VPS13A: variants seen among roughly 807,000 people sequenced by gnomAD.
VPS13A encodes the protein intermembrane lipid transfer protein VPS13A.
VPS13A carries 264 observed loss-of-function variants against 390.9 expected under a neutral mutation model. The observed-to-expected ratio is 0.68, with a 90% CI of 0.61 to 0.75. The LOEUF is 0.75. Ranked by LOEUF, VPS13A falls within the 30% of genes least tolerant of loss-of-function variation. The probability of loss-of-function intolerance (pLI) is 0.00; values close to 1 mark genes in which losing one functional copy is unlikely to be tolerated. For synonymous variants in VPS13A, 1,231 were observed against 1,227.1 expected (o/e 1.00, Z -0.07); for missense variants, 3,409 against 3,733.9 (o/e 0.91, Z 2.27).
chr9:77,220,007 T>C lies in VPS13A; in HGVS notation c.808T>C (p.Phe270Leu), dbSNP rs1052017387. ...AKLVMNRRSD[F>L]DFSAPKINLE... ...ACTTGTGATGAATCGCCGATCTGATTTTGACTTTTCTGCCCCCAAAATAAA... is the reference window on the plus strand; with the variant it reads ...ACTTGTGATGAATCGCCGATCTGATCTTGACTTTTCTGCCCCCAAAATAAA... The change falls in exon 11 of 72, where the codon TTT becomes CTT. Residue 270 changes from phenylalanine to leucine, a missense_variant. Physicochemically the swap from Phe to Leu is conservative, Grantham distance 22. This residue lies in a region of VPS13A where 2,717 missense variants were observed against 2,917.4 expected (regional missense o/e 0.93). Transcript: ENST00000360280. 6.2e-7 allele frequency: 1 copy of C among 1,613,592 alleles called. No homozygotes were observed. The highest frequency in any genetic ancestry group is 1.3e-5 in the African/African-American group (1 of 74,918).
At chr9:77,327,929 C>T (rs889683642) in intron 45 of VPS13A, among the ~76,000 whole-genome samples, 5 of 152,068 alleles carry the variant, frequency 3.3e-5, no homozygotes, top group Non-Finnish European at 7.4e-5. Context: ...TTATTAATGG[C>T]GTCTAGATGA....
intron 23 of VPS13A, among the ~76,000 whole-genome samples, chr9:77,264,205 G>T (rs1294724980): frequency 6.6e-6 from 1 of 152,160 alleles, no homozygotes; most frequent in Non-Finnish European, 1.5e-5. Flanking sequence ...TAGGCTTGTA[G>T]TATAGTTTGA....
At chr9:77,245,413 T>G (rs1824748898) in intron 19 of VPS13A, among the ~76,000 whole-genome samples, 1 of 152,172 alleles carries the variant, frequency 6.6e-6, no homozygotes, top group Admixed American at 6.5e-5. Context: ...TCTTGTTACT[T>G]TAGTAAAATC....
At chr9:77,405,800 G>A in intron 69 of VPS13A, 64 bp from the exon 70 acceptor site, 1 of 1,596,668 alleles carries the variant, frequency 6.3e-7, no homozygotes, top group Non-Finnish European at 8.5e-7. Flanking sequence ...TTCGTATCCT[G>A]TTGTTATTGG....
intron 54 of VPS13A, among the ~76,000 whole-genome samples, chr9:77,355,398 C>CT (rs1831719011): frequency 6.6e-6 from 1 of 152,184 alleles, no homozygotes; most frequent in Non-Finnish European, 1.5e-5. Flanking sequence ...CCTATCCAGT[C>CT]TCATTCATTG....
chr9:77,227,483 A>G lies in VPS13A; in HGVS notation c.1450A>G (p.Thr484Ala). The part of the protein sequence containing the change: ...ETAVDPTLLK[T>A]FEALKFFVHL... ...AGCAGTTGATCCAACTTTACTAAAA[A>G]CAGTAAGATGTTTTCTTGCCTTATA... Residue 484 changes from threonine to alanine, a missense_variant and splice_region_variant, in exon 16 of 72, where the codon ACA (threonine) becomes GCA (alanine). Coordinates refer to ENST00000360280, the MANE Select transcript of VPS13A (RefSeq NM_033305.3). 1 of 1,606,298 alleles carries G rather than the reference A, an allele frequency of 6.2e-7. No homozygotes were observed. The highest frequency in any genetic ancestry group is 8.5e-7 in the Non-Finnish European group (1 of 1,173,344).
In VPS13A at chr9:77,316,398, A is replaced by G. The variant is rs1202518370; in HGVS notation, c.4855A>G (p.Ile1619Val). ...TCTTCCAGTCAAGAGAAAAGGCAAAATCACTACTGTGAGTTAACTATTTGA... is the reference window on the plus strand; with the variant it reads ...TCTTCCAGTCAAGAGAAAAGGCAAAGTCACTACTGTGAGTTAACTATTTGA... ...PFLPVKRKGKITTVLQPCDLF... is the reference protein window; with the variant it reads ...PFLPVKRKGKVTTVLQPCDLF... The change falls in exon 39 of 72, where the codon ATC becomes GTC. Residue 1619 changes from isoleucine to valine, a missense_variant. Coordinates refer to ENST00000360280, the MANE Select transcript of VPS13A (RefSeq NM_033305.3). The G allele has an allele frequency of 1.2e-6, 2 of 1,611,650 alleles. No homozygotes were observed. Among genetic ancestry groups the G allele is most frequent in the African/African-American group, 2.7e-5 (2 of 74,842 alleles).
At chr9:77,272,007 C>T (rs1206883790) in intron 23 of VPS13A, among the ~76,000 whole-genome samples, 2 of 151,866 alleles carry the variant, frequency 1.3e-5, no homozygotes, top group African/African-American at 4.8e-5. Context: ...ATGTATTGAA[C>T]TTTAGAGTTT....
intron 2 of VPS13A, among the ~76,000 whole-genome samples, chr9:77,200,381 A>G (rs1298007939): frequency 1.3e-5 from 2 of 152,100 alleles, no homozygotes; most frequent in African/African-American, 4.8e-5. Context: ...CCCAGCTGCC[A>G]GGGAGGATGA....
At chr9:77,244,313 C>T (rs1216024218) in intron 19 of VPS13A, among the ~76,000 whole-genome samples, 1 of 151,290 alleles carries the variant, frequency 6.6e-6, no homozygotes, top group Non-Finnish European at 1.5e-5. Flanking sequence ...GAAGAGGTCT[C>T]TCTCTTCCCT....
chr9:77,380,563 G>A (rs1344245248), intron 67 of VPS13A, among the ~76,000 whole-genome samples: 1 of 151,970 alleles, frequency 6.6e-6, no homozygotes, highest in Non-Finnish European at 1.5e-5. Context: ...GCCCGCCTCG[G>A]GCTCCCAAAG....
intron 10 of VPS13A, among the ~76,000 whole-genome samples, chr9:77,214,603 A>G (rs1394006035): frequency 1.3e-5 from 2 of 152,120 alleles, no homozygotes; most frequent in Admixed American, 1.3e-4. Context: ...TATAGGGGAA[A>G]ATGTCCAACA....
intron 71 of VPS13A, among the ~76,000 whole-genome samples, chr9:77,408,442 G>A (rs1021790426): frequency 2.0e-5 from 3 of 152,236 alleles, no homozygotes; most frequent in African/African-American, 7.2e-5. Flanking sequence ...CGGAAAGTGG[G>A]TGCAGGACAG....
At chr9:77,306,417 T>A (rs1453986118) in intron 34 of VPS13A, among the ~76,000 whole-genome samples, 1 of 132,464 alleles carries the variant, frequency 7.5e-6, no homozygotes, top group Non-Finnish European at 1.6e-5. Context: ...TGTGTGTTTG[T>A]GTGTGTGTGT....
In VPS13A at chr9:77,251,031, A is replaced by C. The variant is rs538798730; in HGVS notation, c.2170+802A>C. Among the ~76,000 whole-genome samples the C allele has an allele frequency of 2.6e-5, 4 of 152,350 alleles. No homozygotes were observed. The South Asian group carries it at 8.3e-4, about 32-fold the overall frequency. ...TTTAATTACCTGAGCTAACCAATAA[A>C]AGGAGAAACAATGAGAATCCAAAGT... On this transcript the variant is annotated intron_variant, in intron 21 of 71. Transcript: ENST00000360280.
At chr9:77,252,124 A>G in intron 21 of VPS13A, 111 bp from the exon 22 acceptor site, 1 of 864,378 alleles carries the variant, frequency 1.2e-6, no homozygotes, top group South Asian at 1.4e-5. Flanking sequence ...GATTACCTAG[A>G]TGTGGGGAAA....
At chr9:77,314,229 C>G (rs1316624170) in intron 36 of VPS13A, 110 bp downstream of exon 36, 1 of 1,219,804 alleles carries the variant, frequency 8.2e-7, no homozygotes, top group Non-Finnish European at 1.1e-6. Context: ...AGTATCTGTC[C>G]CTCTGAGAAA....
At chr9:77,251,794 A>G (rs1825161334) in intron 21 of VPS13A, among the ~76,000 whole-genome samples, 3 of 152,068 alleles carry the variant, frequency 2.0e-5, no homozygotes, top group Admixed American at 2.0e-4. Flanking sequence ...TGTGAATTTC[A>G]GTTTTATCAC....
At chr9:77,233,898 A>G (rs1330810978) in intron 17 of VPS13A, among the ~76,000 whole-genome samples, 1 of 152,100 alleles carries the variant, frequency 6.6e-6, no homozygotes, top group Non-Finnish European at 1.5e-5. Context: ...TGTCTGTTAC[A>G]TGTAGTTGGT....
Sources: gnomAD v4.1 joint callset for allele counts (sites outside exome capture counted in the v4.1 genomes callset) on GRCh38, gnomAD v4.1.1 for gene constraint, gnomAD v4.1.1 regional missense constraint, MANE v1.5 for transcripts, NCBI Gene and HGNC (gene_info 2026-07-23, HGNC 2026-07-21) for gene names.